PTPA: variants seen among roughly 807,000 people sequenced by gnomAD.
PTPA encodes protein phosphatase 2 phosphatase activator.
A neutral mutation model predicts 43.6 loss-of-function variants in PTPA; 13 were observed. That is an observed-to-expected ratio of 0.30 (90% CI 0.19 to 0.47). PTPA has a LOEUF of 0.47. Ranked by LOEUF, PTPA falls within the 20% of genes least tolerant of loss-of-function variation. The pLI is 0.99. For missense variants in PTPA, 329 were observed against 411.9 expected (o/e 0.80, Z 1.74); for synonymous variants, 172 against 158.2 (o/e 1.09, Z -0.66).
intron 3 of PTPA, among the ~76,000 whole-genome samples, chr9:129,128,325 C>A (rs536344324): frequency 1.3e-5 from 2 of 152,140 alleles, no homozygotes; most frequent in African/African-American, 4.8e-5. Context: ...CACTTGAGGT[C>A]GGGAGTTTGA....
intron 8 of PTPA, among the ~76,000 whole-genome samples, chr9:129,138,571 G>T (rs998968670): frequency 6.6e-6 from 1 of 152,158 alleles, no homozygotes; most frequent in Admixed American, 6.5e-5. Context: ...TCTGGAGAGG[G>T]TTTGAGAGTT....
intron 8 of PTPA, among the ~76,000 whole-genome samples, chr9:129,140,958 C>T (rs1051313943): frequency 4.6e-5 from 7 of 152,022 alleles, no homozygotes; most frequent in African/African-American, 1.7e-4. Context: ...TGGTCCAAGA[C>T]AAGGCCCCCA....
At chr9:129,110,977 A>T, upstream of PTPA, 3 of 1,369,896 alleles carry the variant, frequency 2.2e-6, no homozygotes, top group Non-Finnish European at 2.9e-6. This position sits in a 1 kb window ranked among gnomAD's most constrained non-coding sequence, Gnocchi z 5.3. Flanking sequence ...AGGAAGGAGG[A>T]GGTCACCGTC....
chr9:129,142,338 TTGTGTGTG>T, intron 8 of PTPA, 99 bp from the exon 9 acceptor site: 5 of 794,542 alleles, frequency 6.3e-6, no homozygotes, highest in South Asian at 2.1e-5. Flanking sequence ...GCGTGTGCGT[TTGTGTGTG>T]TGTGTGTGTG....
At chr9:129,131,923 C>G (rs1055831067) in intron 5 of PTPA, among the ~76,000 whole-genome samples, 44 of 152,186 alleles carry the variant, frequency 2.9e-4, no homozygotes, top group Non-Finnish European at 1.0e-4. Context: ...TGAAAATGGT[C>G]TCTGAGCTCC....
rs1042215581 is a variant in PTPA, at chr9:129,140,597, CTGCCTTTGCCTCGG to C, written c.787-1847_787-1834del. Among the ~76,000 whole-genome samples the C allele has an allele frequency of 2.0e-5, 3 of 152,236 alleles. 1 individual carries two copies. In the South Asian group the frequency reaches 6.2e-4, roughly 32 times the overall value. On this transcript the variant is annotated intron_variant, in intron 8 of 9. Coordinates refer to ENST00000393370, the MANE Select transcript of PTPA (RefSeq NM_178000.3). ...CTCTTGTCTTCCAGTGCCCATCTGC[CTGCCTTTGCCTCGG>C]AGCCCTTGCCGGGCAGGCCCCTGGC...
At position 129,131,561 on chromosome 9, in the gene PTPA, C is replaced by A. The variant is rs371000314; in HGVS notation, c.382C>A (p.Leu128Met). The change falls in exon 5 of 10, where the codon CTG (leucine) becomes ATG (methionine). Residue 128 changes from leucine (L) to methionine (M), a missense_variant. Physicochemically the swap from Leu to Met is conservative, Grantham distance 15. Coordinates refer to ENST00000393370, the MANE Select transcript of PTPA (RefSeq NM_178000.3). The part of the protein sequence containing the change: ...NLVATVVPTH[L>M]AAAVPEVAVY... Reference sequence around the variant, plus strand: ...GGTGGCCACAGTGGTCCCTACCCATCTGGCAGCTGCTGTGCCTGAGGTGGC... The same window carrying A: ...GGTGGCCACAGTGGTCCCTACCCATATGGCAGCTGCTGTGCCTGAGGTGGC... 1.5e-5 allele frequency: 24 copies of A among 1,613,964 alleles called. No homozygotes were observed. Among genetic ancestry groups the A allele is most frequent in the Non-Finnish European group, 1.9e-5 (23 of 1,180,048 alleles).
chr9:129,134,271 G>A (rs997425281), intron 5 of PTPA, among the ~76,000 whole-genome samples: 1 of 147,710 alleles, frequency 6.8e-6, no homozygotes, highest in African/African-American at 2.5e-5. Context: ...GGTCTTTTAC[G>A]AGTGGAATTA....
chr9:129,142,842 G>A, intron 9 of PTPA: 7 of 1,532,244 alleles, frequency 4.6e-6, no homozygotes, highest in Non-Finnish European at 6.1e-6. Flanking sequence ...GGGGGCGATG[G>A]GGGCCTCCCT....
chr9:129,127,384 C>T (rs1304969333), intron 3 of PTPA, among the ~76,000 whole-genome samples: 1 of 152,228 alleles, frequency 6.6e-6, no homozygotes, highest in East Asian at 1.9e-4. Flanking sequence ...GGCGCAACTT[C>T]TCATGTGGGC....
In PTPA at chr9:129,123,072, A is replaced by G; in HGVS notation, c.150A>G (p.Gly50=). 6.2e-7 allele frequency: 1 copy of G among 1,611,572 alleles called. No homozygotes were observed. Among genetic ancestry groups the G allele is most frequent in the Non-Finnish European group, 8.5e-7 (1 of 1,178,522 alleles). ...KRSQAYADYI[G]FILTLNEGVK... Reference sequence around the variant, plus strand: ...GGTAGGCATACGCTGACTACATCGGATTCATCCTTACCCTCAACGAAGGTG... The same window carrying G: ...GGTAGGCATACGCTGACTACATCGGGTTCATCCTTACCCTCAACGAAGGTG... The change falls in exon 3 of 10, where the codon GGA becomes GGG. Residue 50 remains glycine, a synonymous_variant. Transcript: ENST00000393370.
At chr9:129,137,531 C>T (rs896065560) in intron 7 of PTPA, 61 bp from the exon 8 acceptor site, 20 of 1,379,690 alleles carry the variant, frequency 1.4e-5, no homozygotes, top group South Asian at 9.0e-5. Context: ...ACTGCTGGGC[C>T]GGGTTGCCCA....
chr9:129,138,356 C>T (rs1850520908), intron 8 of PTPA, among the ~76,000 whole-genome samples: 2 of 152,214 alleles, frequency 1.3e-5, no homozygotes, highest in South Asian at 4.1e-4. Context: ...AACGCACATT[C>T]CTGGGCCCTC....
chr9:129,144,668 G>A (rs1174438089), intron 9 of PTPA, among the ~76,000 whole-genome samples: 2 of 151,760 alleles, frequency 1.3e-5, no homozygotes, highest in Admixed American at 6.6e-5. Context: ...GAGTCCGGGC[G>A]GTGGAGCTTG....
chr9:129,112,916 G>T (rs1384212871), intron 1 of PTPA, among the ~76,000 whole-genome samples: 1 of 146,398 alleles, frequency 6.8e-6, no homozygotes, highest in African/African-American at 2.5e-5. Flanking sequence ...ACTCCAGCCT[G>T]GACAACAAGA....
intron 1 of PTPA, among the ~76,000 whole-genome samples, chr9:129,114,001 C>G (rs2131532916): frequency 6.6e-6 from 1 of 152,128 alleles, no homozygotes; most frequent in Non-Finnish European, 1.5e-5. Flanking sequence ...TGAAACAGAA[C>G]TTTTGGGAAC....
chr9:129,145,627 CAGT>C (rs1438424704), intron 9 of PTPA, among the ~76,000 whole-genome samples: 1 of 152,160 alleles, frequency 6.6e-6, no homozygotes, highest in Non-Finnish European at 1.5e-5. Context: ...ACCAGCCTGG[CAGT>C]AGGTGGCCTC....
chr9:129,137,884 C>T (rs911978071), intron 8 of PTPA, 192 bp downstream of exon 8: 15 of 625,386 alleles, frequency 2.4e-5, no homozygotes, highest in African/African-American at 1.3e-4. Context: ...TCAGGTCCTC[C>T]GCCCAGTTCT....
Position 129,147,052 on chromosome 9 carries a change from C to T in PTPA, c.895-335C>T, listed in dbSNP as rs186766549. On this transcript the variant is annotated intron_variant, in intron 9 of 9. Transcript: ENST00000393370. ...CTCTTCTCTAGAACTGGGACCTGGG[C>T]TGGGGGTCCCCAGTGATCAGGAGGG... is the stretch of plus-strand genomic sequence containing the variant. Among the ~76,000 whole-genome samples the T allele has an allele frequency of 1.4e-3, 212 of 152,340 alleles. 1 individual carries two copies. The highest frequency in any genetic ancestry group is 2.1e-3 in the Non-Finnish European group (145 of 68,030).
Sources: gnomAD v4.1 joint callset for allele counts (sites outside exome capture counted in the v4.1 genomes callset) on GRCh38, gnomAD v4.1.1 for gene constraint, Gnocchi (gnomAD v3.1) non-coding constraint, MANE v1.5 for transcripts, NCBI Gene and HGNC (gene_info 2026-07-23, HGNC 2026-07-21) for gene names.